The following ZCCHC17 variants were observed in gnomAD, a reference collection of about 807,000 sequenced individuals.
The protein encoded by ZCCHC17 is zinc finger CCHC-type containing 17, also known as zinc finger CCHC domain-containing protein 17.
Under a neutral mutation model 30.6 loss-of-function variants are expected in ZCCHC17, and 18 were observed. That is an observed-to-expected ratio of 0.59 (90% CI 0.41 to 0.87). The LOEUF is 0.87. Ranked by LOEUF, ZCCHC17 falls within the 40% of genes least tolerant of loss-of-function variation. ZCCHC17 has a pLI of 0.00. For missense variants in ZCCHC17, 263 were observed against 284.2 expected (o/e 0.93, Z 0.54); for synonymous variants, 88 against 92.4 (o/e 0.95, Z 0.27).
chr1:31,363,955 A>C lies in ZCCHC17; in HGVS notation c.565-77A>C, dbSNP rs1479488866. ...TAGGATTACAGGTGTGAGCCACTGC[A>C]CCTGGCCAATTATGTGCTATGATTG... On this transcript the variant is annotated intron_variant, in intron 7 of 7. Coordinates refer to ENST00000344147, the MANE Select transcript of ZCCHC17 (RefSeq NM_016505.4). 4 of 1,552,550 alleles carry C rather than the reference A, an allele frequency of 2.6e-6. No individual in the cohort carries two copies. In the Admixed American group the frequency reaches 6.1e-5, roughly 23 times the overall value.
chr1:31,357,207 C>G (rs1179379970), intron 7 of ZCCHC17, among the ~76,000 whole-genome samples: 5 of 152,198 alleles, frequency 3.3e-5, no homozygotes. Context: ...AGTGTTGGCT[C>G]TGTCCTGCTG....
At position 31,349,098 on chromosome 1, in the gene ZCCHC17, T is replaced by C; in HGVS notation, c.564+124T>C. ...TACTTGGGAGGATAAGGTGGGAGGA[T>C]TGCTCGAGGCCAGAAGTTTAAGGCT... On this transcript the variant is annotated intron_variant, in intron 7 of 7. Coordinates refer to ENST00000344147, the MANE Select transcript of ZCCHC17 (RefSeq NM_016505.4). 1.7e-6 allele frequency: 2 copies of C among 1,185,922 alleles called. 1 individual carries two copies. The allele number at this position is 1,185,922 out of a possible 1,614,324, so 73.5% of individuals were successfully genotyped here.
At chr1:31,318,360 C>G (rs571390120) in intron 2 of ZCCHC17, 1 of 734,106 alleles carries the variant, frequency 1.4e-6, no homozygotes, top group Non-Finnish European at 2.2e-6. Context: ...GAAGAGAGAG[C>G]TAGAGCCTAG....
rs185488573 is a variant in ZCCHC17 at position 31,353,893 on chromosome 1, T to C, written c.564+4919T>C. 2.6e-5 allele frequency among the ~76,000 whole-genome samples: 4 copies of C among 152,362 alleles called. No individual in the cohort carries two copies. In the East Asian group the frequency reaches 7.7e-4, roughly 29 times the overall value. ...TTTTAGTAAGCTTTGAAGTTGGGAA[T>C]TGTGGATCCTCCAGCTTTGTTCTTT... is the stretch of plus-strand genomic sequence containing the variant. On this transcript the variant is annotated intron_variant, in intron 7 of 7. Transcript: ENST00000344147.
In ZCCHC17 at chr1:31,348,991, T is replaced by A. The variant is rs1275844219; in HGVS notation, c.564+17T>A. ...AGAAAGAAGGTGAATGCTACTTTGCTTTTATTTTATCATGTCTTTTTCAAG... is the reference window on the plus strand; with the variant it reads ...AGAAAGAAGGTGAATGCTACTTTGCATTTATTTTATCATGTCTTTTTCAAG... On this transcript the variant is annotated intron_variant, in intron 7 of 7. Transcript: ENST00000344147. 1 of 1,551,846 alleles carries A rather than the reference T, an allele frequency of 6.4e-7. No individual in the cohort carries two copies. The highest frequency in any genetic ancestry group is 1.4e-5 in the African/African-American group (1 of 72,154).
rs1375266425 is a variant in ZCCHC17 at position 31,310,125 on chromosome 1, G to A, written c.27G>A (p.Met9Ile). MNSGRPET[M>I]ENLPALYTIF... Reference sequence around the variant, plus strand: ...TGAATTCAGGAAGGCCTGAGACCATGGAAAACTTGCCTGCTCTCTACACTA... The same window carrying A: ...TGAATTCAGGAAGGCCTGAGACCATAGAAAACTTGCCTGCTCTCTACACTA... The change falls in exon 2 of 8, where the codon ATG (methionine) becomes ATA (isoleucine). Residue 9 changes from methionine to isoleucine, a missense_variant. Transcript: ENST00000344147. 1.2e-5 allele frequency: 19 copies of A among 1,614,084 alleles called. No homozygotes were observed. Among genetic ancestry groups the A allele is most frequent in the Non-Finnish European group, 1.6e-5 (19 of 1,180,012 alleles).
intron 7 of ZCCHC17, among the ~76,000 whole-genome samples, chr1:31,358,258 T>G (rs929795699): frequency 2.0e-5 from 3 of 152,010 alleles, no homozygotes; most frequent in Non-Finnish European, 4.4e-5. Context: ...GAGAGGAAGT[T>G]AGATCAGAAG....
intron 7 of ZCCHC17, among the ~76,000 whole-genome samples, chr1:31,353,460 A>G (rs980970365): frequency 6.6e-6 from 1 of 152,182 alleles, no homozygotes; most frequent in Non-Finnish European, 1.5e-5. Context: ...TATGTTCATG[A>G]TAGTATTCAT....
chr1:31,329,757 A>G (rs759643512), intron 3 of ZCCHC17, among the ~76,000 whole-genome samples: 35 of 152,234 alleles, frequency 2.3e-4, no homozygotes, highest in Non-Finnish European at 3.7e-4. Flanking sequence ...TGAATGAATT[A>G]TAGCCTCAGT....
In ZCCHC17 at chr1:31,364,047, A is replaced by G. The variant is rs1640035200; in HGVS notation, c.580A>G (p.Lys194Glu). 6.2e-7 allele frequency: 1 copy of G among 1,610,444 alleles called. No individual in the cohort carries two copies. The highest frequency in any genetic ancestry group is 1.7e-5 in the Admixed American group (1 of 58,736). Residue 194 changes from lysine to glutamate, a missense_variant, in exon 8 of 8, where the codon AAA becomes GAA. Transcript: ENST00000344147. ...RKRKKEKKKK[K>E]HRDRKSSDSD... is the part of the protein sequence containing the mutation. The stretch of plus-strand genomic sequence containing the variant: ...TTCTTTTCAGGAGAAGAAGAAAAAG[A>G]AACATAGAGATAGGAAGTCATCTGA...
chr1:31,360,516 C>T (rs1239722559), intron 7 of ZCCHC17, among the ~76,000 whole-genome samples: 1 of 152,192 alleles, frequency 6.6e-6, no homozygotes, highest in Non-Finnish European at 1.5e-5. Context: ...TAGCTCAAGG[C>T]TAGACACGTA....
At chr1:31,316,204 C>T (rs1434709821) in intron 2 of ZCCHC17, among the ~76,000 whole-genome samples, 2 of 152,112 alleles carry the variant, frequency 1.3e-5, no homozygotes, top group Admixed American at 6.5e-5. Flanking sequence ...TGTGTTCAAA[C>T]GATTTTCGTG....
chr1:31,357,487 T>C (rs757922850), intron 7 of ZCCHC17, among the ~76,000 whole-genome samples: 36 of 152,376 alleles, frequency 2.4e-4, no homozygotes, highest in Admixed American at 4.6e-4. Flanking sequence ...GCTTCTACTG[T>C]GTGCTAAGCT....
At chr1:31,324,409 C>A (rs1048631413) in intron 3 of ZCCHC17, among the ~76,000 whole-genome samples, 5 of 152,174 alleles carry the variant, frequency 3.3e-5, no homozygotes, top group African/African-American at 1.2e-4. Flanking sequence ...AGGAGCCCTG[C>A]CCCCTTATGA....
In ZCCHC17 at chr1:31,336,230, G is replaced by A. The variant is rs114526104; in HGVS notation, c.125-945G>A. 4.8e-3 allele frequency among the ~76,000 whole-genome samples: 727 copies of A among 152,054 alleles called. 10 individuals are homozygous for A. Among genetic ancestry groups the A allele is most frequent in the African/African-American group, 0.016 (676 of 41,466 alleles). ...TGGGATCACAGGTTTGCACCACCACGCCCAGGTAATTTTTGTATTTTTGGT... is the reference window on the plus strand; with the variant it reads ...TGGGATCACAGGTTTGCACCACCACACCCAGGTAATTTTTGTATTTTTGGT... On this transcript the variant is annotated intron_variant, in intron 3 of 7. Transcript: ENST00000344147.
chr1:31,335,937 AT>A (rs1638797809), intron 3 of ZCCHC17, among the ~76,000 whole-genome samples: 4 of 152,090 alleles, frequency 2.6e-5, no homozygotes, highest in African/African-American at 9.7e-5. Flanking sequence ...TTACTTTTTT[AT>A]TCCACAGATT....
chr1:31,337,511 C>T (rs555933214), intron 4 of ZCCHC17, among the ~76,000 whole-genome samples: 6 of 152,162 alleles, frequency 3.9e-5, no homozygotes, highest in African/African-American at 1.4e-4. Flanking sequence ...TGTAAAACTT[C>T]CCTCCCTGAA....
At chr1:31,361,156 T>C (rs1639875058) in intron 7 of ZCCHC17, among the ~76,000 whole-genome samples, 1 of 152,206 alleles carries the variant, frequency 6.6e-6, no homozygotes, top group Non-Finnish European at 1.5e-5. Context: ...ATTTGCCAAC[T>C]CTCAGCTCCT....
At chr1:31,319,368 G>A (rs1235424944) in intron 3 of ZCCHC17, among the ~76,000 whole-genome samples, 2 of 152,144 alleles carry the variant, frequency 1.3e-5, no homozygotes, top group African/African-American at 4.8e-5. Context: ...GAGGAAGACT[G>A]GGGTATAGCT....
Sources: allele counts gnomAD v4.1 joint callset (sites outside exome capture counted in the v4.1 genomes callset), GRCh38; gene constraint gnomAD v4.1.1; transcripts MANE v1.5; gene names NCBI Gene and HGNC (gene_info 2026-07-23, HGNC 2026-07-21).